OTOF: variants seen among roughly 807,000 people sequenced by gnomAD.
The protein encoded by OTOF is fer-1-like family member 2.
OTOF carries 218 observed loss-of-function variants against 236.8 expected under a neutral mutation model. The ratio of observed to expected loss-of-function variants is 0.92; its 90% CI spans 0.82 to 1.03. The LOEUF is 1.03. Ranked by LOEUF, OTOF falls within the 50% of genes least tolerant of loss-of-function variation. The pLI is 0.00. For missense variants in OTOF, 2,590 were observed against 2,694.4 expected, an observed-to-expected ratio of 0.96 and a Z score of 0.86; for synonymous variants, 1,041 against 1,072.5, an observed-to-expected ratio of 0.97 and a Z score of 0.57.
At chr2:26,482,961 G>A (rs555817639) in intron 13 of OTOF, among the ~76,000 whole-genome samples, 6 of 150,584 alleles carry the variant, frequency 4.0e-5, no homozygotes, top group Non-Finnish European at 7.4e-5. Flanking sequence ...ATGTGTGCAC[G>A]TGTGAGTGGG....
rs550341486 is a variant in OTOF at position 26,473,850 on chromosome 2, G to A, written c.3408+141C>T. The A allele has an allele frequency of 2.6e-6, 3 of 1,152,492 alleles. No homozygotes were observed. The highest frequency in any genetic ancestry group is 3.6e-5 in the Admixed American group (2 of 54,866). The allele number at this position is 1,152,492 out of a possible 1,614,324, so 71.4% of individuals were successfully genotyped here. ...GGAGTGCGACTTGGTGCAGATGGGGGCAGGCCCTGGGCTGGGGCAGGAGCC... is the reference window on the plus strand; with the variant it reads ...GGAGTGCGACTTGGTGCAGATGGGGACAGGCCCTGGGCTGGGGCAGGAGCC... On this transcript the variant is annotated intron_variant, in intron 27 of 46. Coordinates refer to ENST00000272371, the MANE Select transcript of OTOF (RefSeq NM_194248.3). This position sits in a 1 kb window ranked among gnomAD's most constrained non-coding sequence, Gnocchi z 7.2.
intron 1 of OTOF, among the ~76,000 whole-genome samples, chr2:26,541,407 C>T (rs1030968928): frequency 1.3e-5 from 2 of 152,162 alleles, no homozygotes; most frequent in Non-Finnish European, 2.9e-5. Flanking sequence ...ACATGATGAG[C>T]TAAATTTACC....
chr2:26,525,350 A>C (rs779588567), intron 3 of OTOF, among the ~76,000 whole-genome samples: 5 of 152,094 alleles, frequency 3.3e-5, no homozygotes, highest in Non-Finnish European at 7.4e-5. Flanking sequence ...TCCCCTCTAC[A>C]ATGTGGTCCA....
At chr2:26,545,965 G>A (rs921240805) in intron 1 of OTOF, among the ~76,000 whole-genome samples, 6 of 152,122 alleles carry the variant, frequency 3.9e-5, no homozygotes, top group African/African-American at 7.2e-5. Context: ...AGGGATTAGA[G>A]GTACCAGCCC....
chr2:26,500,631 T>A (rs1425727741), intron 8 of OTOF, among the ~76,000 whole-genome samples: 6 of 152,204 alleles, frequency 3.9e-5, no homozygotes, highest in Non-Finnish European at 1.5e-5. Context: ...CGTTTGACAT[T>A]GCCTGGGGCT....
chr2:26,495,707 T>C (rs2148072779), intron 8 of OTOF, among the ~76,000 whole-genome samples: 1 of 152,124 alleles, frequency 6.6e-6, no homozygotes, highest in South Asian at 2.1e-4. Flanking sequence ...ATTACAGGCA[T>C]GAGCCACCGT....
chr2:26,489,343 G>T, intron 10 of OTOF, 48 bp from the exon 11 acceptor site: 1 of 1,424,778 alleles, frequency 7.0e-7, no homozygotes, highest in South Asian at 1.2e-5. Flanking sequence ...CAAGGGTGAG[G>T]CTTTCCATGG....
intron 3 of OTOF, among the ~76,000 whole-genome samples, chr2:26,525,213 G>T (rs560734977): frequency 6.6e-6 from 1 of 152,182 alleles, no homozygotes; most frequent in Non-Finnish European, 1.5e-5. Context: ...TCCTCCCTGT[G>T]GCCCTGACAG....
At chr2:26,540,347 T>G (rs1464526541) in intron 1 of OTOF, among the ~76,000 whole-genome samples, 1 of 152,222 alleles carries the variant, frequency 6.6e-6, no homozygotes, top group Non-Finnish European at 1.5e-5. Context: ...ATGAAGCCCA[T>G]GGCATGGGTG....
intron 3 of OTOF, among the ~76,000 whole-genome samples, chr2:26,524,093 G>T (rs1399799982): frequency 1.3e-5 from 2 of 152,270 alleles, no homozygotes. Context: ...CTCCCACCAG[G>T]CCTGGGCCTC....
At chr2:26,459,927 T>C (rs1258850852) in intron 46 of OTOF, 81 bp downstream of exon 46, 2 of 1,326,906 alleles carry the variant, frequency 1.5e-6, no homozygotes, top group Admixed American at 4.0e-5. Flanking sequence ...TTTGTGTTTG[T>C]GGATGTGTGC....
intron 3 of OTOF, among the ~76,000 whole-genome samples, chr2:26,519,599 G>C (rs1032925389): frequency 6.6e-6 from 1 of 152,220 alleles, no homozygotes; most frequent in Non-Finnish European, 1.5e-5. Flanking sequence ...AGGAACCTGT[G>C]TGATGGCAGA....
Position 26,457,383 on chromosome 2 carries a change from C to A in OTOF, c.*855G>T, listed in dbSNP as rs1036579397. On this transcript the variant is annotated 3_prime_UTR_variant, in exon 47 of 47. Coordinates refer to ENST00000272371, the MANE Select transcript of OTOF (RefSeq NM_194248.3). This position sits in a 1 kb window ranked among gnomAD's most constrained non-coding sequence, Gnocchi z 4.4. ...ACAGGGTGTGCCCGGGATGGGGAGT[C>A]CCCTCTGCTGCTTCTCACAGCTCCT... 6.6e-6 allele frequency: 1 copy of A among 152,514 alleles called. No homozygotes were observed. Among genetic ancestry groups the A allele is most frequent in the Non-Finnish European group, 1.5e-5 (1 of 68,314 alleles). 9.4% of individuals were successfully genotyped at this position (152,514 alleles called of 1,614,324 possible). A position where few individuals can be genotyped will look rare whatever the true frequency, so the allele number is the denominator to read the frequency against.
chr2:26,487,496 T>C (rs1044213872), intron 11 of OTOF, among the ~76,000 whole-genome samples: 8 of 152,146 alleles, frequency 5.3e-5, no homozygotes, highest in Non-Finnish European at 1.2e-4. Flanking sequence ...GAGCCTCAGT[T>C]TCCTTATGGT....
At chr2:26,458,882 G>T (rs921890191) in intron 46 of OTOF, among the ~76,000 whole-genome samples, 6 of 152,284 alleles carry the variant, frequency 3.9e-5, no homozygotes, top group African/African-American at 1.4e-4. Flanking sequence ...CAGTATTGGT[G>T]GGGACACAGA....
rs1046534040 is a variant in OTOF at position 26,465,703 on chromosome 2, C to T, written c.4768G>A (p.Ala1590Thr). The stretch of plus-strand genomic sequence containing the variant: ...TAGGTCTGGGCGATGCCGCAGGTGG[C>T]GCGGTGCTTGCTGTAGAAGCGGTTC... ...LENRFYSKHR[A>T]TCGIAQTYST... is the part of the protein sequence containing the mutation. Residue 1590 changes from alanine to threonine, a missense_variant, in exon 38 of 47, where the codon GCC (alanine) becomes ACC (threonine). Transcript: ENST00000272371. 1.1e-5 allele frequency: 17 copies of T among 1,614,136 alleles called. No homozygotes were observed. Among genetic ancestry groups the T allele is most frequent in the East Asian group, 4.5e-5 (2 of 44,906 alleles).
At chr2:26,481,827 T>C (rs1021322285) in intron 14 of OTOF, among the ~76,000 whole-genome samples, 20 of 152,196 alleles carry the variant, frequency 1.3e-4, no homozygotes, top group African/African-American at 4.8e-4. Context: ...ATGTTTCACA[T>C]ACATGGATCA....
intron 5 of OTOF, among the ~76,000 whole-genome samples, chr2:26,515,672 G>A (rs990442262): frequency 1.3e-5 from 2 of 152,236 alleles, no homozygotes; most frequent in Middle Eastern, 3.4e-3. Context: ...ACACACCCTG[G>A]TCCTTCAGAT....
At position 26,467,453 on chromosome 2, in the gene OTOF, T is replaced by C. The variant is rs767890806; in HGVS notation, c.4139A>G (p.Glu1380Gly). ...KGKEKARAAK[E>G]EKKKKTQSSG... ...GCTCTGAGTTTTCTTCTTCTTCTCC[T>C]CTTTGGCAGCCCTTGCCTTCTCCTT... The change falls in exon 34 of 47, where the codon GAG becomes GGG. Residue 1380 changes from glutamate to glycine, a missense_variant. Glu to Gly is a moderately conservative substitution (Grantham distance 98, BLOSUM62 -2). Around this residue, in one of 2 missense-constraint regions of OTOF, gnomAD observed 1,211 missense variants for 1,352.8 expected, o/e 0.90. Transcript: ENST00000272371. The C allele has an allele frequency of 1.2e-6, 2 of 1,614,058 alleles. No individual in the cohort carries two copies. The highest frequency in any genetic ancestry group is 1.7e-4 in the Middle Eastern group (1 of 6,058).
Sources: allele counts gnomAD v4.1 joint callset (sites outside exome capture counted in the v4.1 genomes callset), GRCh38; gene constraint gnomAD v4.1.1; regional missense constraint gnomAD v4.1.1; non-coding constraint Gnocchi (gnomAD v3.1); transcripts MANE v1.5; gene names NCBI Gene and HGNC (gene_info 2026-07-23, HGNC 2026-07-21).